The following MAN1B1 variants were observed in gnomAD, a reference collection of about 807,000 sequenced individuals.
The protein encoded by MAN1B1 is mannosidase alpha class 1B member 1.
In MAN1B1, 66 loss-of-function variants were observed where a neutral mutation model predicts 75.5. The ratio of observed to expected loss-of-function variants is 0.87; its 90% confidence interval spans 0.72 to 1.07. The LOEUF is 1.07. Among genes scored for constraint, MAN1B1 ranks in the 50% least tolerant of loss-of-function variants. The probability of loss-of-function intolerance (pLI) is 0.00; values close to 1 mark genes in which losing one functional copy is unlikely to be tolerated. For synonymous variants in MAN1B1, 453 were observed against 382.8 expected (o/e 1.18, Z -2.14); for missense variants, 973 against 912.5 (o/e 1.07, Z -0.85).
chr9:137,096,176 A>C, intron 3 of MAN1B1, 61 bp from the exon 4 acceptor site: 1 of 1,580,612 alleles, frequency 6.3e-7, no homozygotes, highest in South Asian at 1.1e-5. Flanking sequence ...CGTCCCATAG[A>C]GGGAAAGAAG....
intron 3 of MAN1B1, chr9:137,094,374 C>T: frequency 2.0e-6 from 1 of 497,114 alleles, no homozygotes; most frequent in South Asian, 1.5e-5. Flanking sequence ...ATAGTTTGTT[C>T]CGACCTTCCA....
At chr9:137,099,575 T>C in intron 5 of MAN1B1, 121 bp from the exon 6 acceptor site, 1 of 1,115,706 alleles carries the variant, frequency 9.0e-7, no homozygotes, top group Non-Finnish European at 1.4e-6. Flanking sequence ...CTTCCCGTCG[T>C]CCCAAACCCA....
rs770092466 is a variant in MAN1B1, at chr9:137,089,016, C to G, written c.465+11C>G. On this transcript the variant is annotated intron_variant, in intron 3 of 12. Coordinates refer to ENST00000371589, the MANE Select transcript of MAN1B1 (RefSeq NM_016219.5). ...GAGATTTCGTCACAGGTACTTTGAG[C>G]AAATGGTGTGGGGTTATAACTGGGG... 18 of 1,613,888 alleles carry G rather than the reference C, an allele frequency of 1.1e-5. No individual in the cohort carries two copies. In the South Asian group the frequency reaches 1.8e-4, roughly 16 times the overall value.
intron 5 of MAN1B1, 98 bp from the exon 6 acceptor site, chr9:137,099,598 C>A: frequency 7.5e-7 from 1 of 1,336,812 alleles, no homozygotes; most frequent in Non-Finnish European, 1.1e-6. Flanking sequence ...GTCATCTTTG[C>A]CCCATGGGGG....
chr9:137,101,417 A>G lies in MAN1B1; in HGVS notation c.1066-67A>G, dbSNP rs115398890. On this transcript the variant is annotated intron_variant, in intron 7 of 12. Transcript: ENST00000371589. ...GCCTTCAGTGTCTCCACTGAACTGC[A>G]TGAAAGGGTGTAGACGAGGCCTCTG... 3.1e-3 allele frequency: 4,527 copies of G among 1,473,272 alleles called. 43 individuals are homozygous for G. Among genetic ancestry groups the G allele is most frequent in the African/African-American group, 0.024 (1,710 of 72,250 alleles). 91.3% of individuals were successfully genotyped at this position (1,473,272 alleles called of 1,614,324 possible).
chr9:137,089,788 A>G (rs1830471969), intron 3 of MAN1B1, among the ~76,000 whole-genome samples: 1 of 151,368 alleles, frequency 6.6e-6, no homozygotes, highest in South Asian at 2.1e-4. Context: ...GCCTTGGGAG[A>G]AGGAGGGTGA....
In MAN1B1 at chr9:137,109,095, TGGAG is replaced by T; in HGVS notation, c.*507_*510del. On this transcript the variant is annotated 3_prime_UTR_variant, in exon 13 of 13. Coordinates refer to ENST00000371589, the MANE Select transcript of MAN1B1 (RefSeq NM_016219.5). ...CCTCCTGGCCGCCCCGCAGGGGGCT[TGGAG>T]GGCTGGACGGCAAGTCCGTCTAGCT... is the stretch of plus-strand genomic sequence containing the variant. 2.2e-6 allele frequency: 1 copy of T among 455,456 alleles called. No homozygotes were observed. The highest frequency in any genetic ancestry group is 4.4e-6 in the Non-Finnish European group (1 of 227,212). 28.2% of individuals were successfully genotyped at this position (455,456 alleles called of 1,614,324 possible).
At position 137,102,439 on chromosome 9, in the gene MAN1B1, ACT is replaced by A. The variant is rs1472536718; in HGVS notation, c.1254+768_1254+769del. Reference sequence around the variant, plus strand: ...TGCAGGTTGGTGGTGTTACATTCACACTGTTGCAGGCGTGCAGGTCGGTGGTG... The same window carrying A: ...TGCAGGTTGGTGGTGTTACATTCACAGTTGCAGGCGTGCAGGTCGGTGGTG... On this transcript the variant is annotated intron_variant, in intron 8 of 12. Transcript: ENST00000371589. The A allele has an allele frequency of 5.9e-5, 24 of 409,070 alleles. 1 individual carries two copies. The Middle Eastern group carries it at 1.1e-3, about 18-fold the overall frequency. 25.3% of individuals were successfully genotyped at this position (409,070 alleles called of 1,614,324 possible).
chr9:137,106,789 G>T lies in MAN1B1; in HGVS notation c.1546G>T (p.Gly516Cys), dbSNP rs760557104. 6.2e-7 allele frequency: 1 copy of T among 1,613,412 alleles called. No individual in the cohort carries two copies. Among genetic ancestry groups the T allele is most frequent in the South Asian group, 1.1e-5 (1 of 91,080 alleles). ...CACCTTTGTGGGGGAGCTTGCCCACGGCCGCTTCAGTGCCAAGATGGTGAG... is the reference window on the plus strand; with the variant it reads ...CACCTTTGTGGGGGAGCTTGCCCACTGCCGCTTCAGTGCCAAGATGGTGAG... ...KLTFVGELAH[G>C]RFSAKMDHLV... The change falls in exon 10 of 13, where the codon GGC becomes TGC. Residue 516 changes from glycine (G) to cysteine (C), a missense_variant. Transcript: ENST00000371589.
At chr9:137,091,099 G>T (rs1365746907) in intron 3 of MAN1B1, among the ~76,000 whole-genome samples, 5 of 152,336 alleles carry the variant, frequency 3.3e-5, no homozygotes, top group East Asian at 3.9e-4. Flanking sequence ...ACACTCTTCG[G>T]TGTGAGGATT....
rs898343026 is a variant in MAN1B1 at position 137,108,908 on chromosome 9, C to A, written c.*317C>A. 1 of 526,054 alleles carries A rather than the reference C, an allele frequency of 1.9e-6. No homozygotes were observed. The highest frequency in any genetic ancestry group is 4.9e-5 in the East Asian group (1 of 20,256). The allele number at this position is 526,054 out of a possible 1,614,324, so 32.6% of individuals were successfully genotyped here. Reference sequence around the variant, plus strand: ...GACCAGAGGGGGGCTTCGAGGTGGTCCCTGGTACTGGGGTGACCGAGTGGA... The same window carrying A: ...GACCAGAGGGGGGCTTCGAGGTGGTACCTGGTACTGGGGTGACCGAGTGGA... On this transcript the variant is annotated 3_prime_UTR_variant, in exon 13 of 13. Transcript: ENST00000371589.
chr9:137,107,193 G>C (rs1831142684), intron 10 of MAN1B1, 57 bp from the exon 11 acceptor site: 1 of 1,578,046 alleles, frequency 6.3e-7, no homozygotes, highest in Admixed American at 1.7e-5. Context: ...TGCCCGTGCA[G>C]CTGCAGGCTG....
Position 137,101,680 on chromosome 9 carries a change from G to C in MAN1B1, c.1254+8G>C, listed in dbSNP as rs775666191. On this transcript the variant is annotated splice_region_variant and intron_variant, in intron 8 of 12. Coordinates refer to ENST00000371589, the MANE Select transcript of MAN1B1 (RefSeq NM_016219.5). Reference sequence around the variant, plus strand: ...GGGGATAAGAAGTTTCAGGTAAGGGGGCAGGCTTTCTGGCTGGATGCGCCT... The same window carrying C: ...GGGGATAAGAAGTTTCAGGTAAGGGCGCAGGCTTTCTGGCTGGATGCGCCT... 1 of 1,610,982 alleles carries C rather than the reference G, an allele frequency of 6.2e-7. No individual in the cohort carries two copies. Among genetic ancestry groups the C allele is most frequent in the Non-Finnish European group, 8.5e-7 (1 of 1,178,422 alleles).
chr9:137,087,077 G>A lies in MAN1B1; in HGVS notation c.78G>A (p.Gly26=), dbSNP rs767186412. The change falls in exon 1 of 13, where the codon GGG becomes GGA. Residue 26 remains glycine (G), a synonymous_variant. Coordinates refer to ENST00000371589, the MANE Select transcript of MAN1B1 (RefSeq NM_016219.5). ...ACTTCCTGACGCCGCCAGTGGGCGG[G>A]GCCCCTTGGGCCGTCGCCACCACTG... ...QSDFLTPPVG[G]APWAVATTVV... is the part of the protein sequence containing the mutation. 1.9e-6 allele frequency: 3 copies of A among 1,601,140 alleles called. No homozygotes were observed. Among genetic ancestry groups the A allele is most frequent in the Admixed American group, 1.7e-5 (1 of 58,066 alleles).
intron 8 of MAN1B1, 115 bp downstream of exon 8, chr9:137,101,787 G>C (rs780929466): frequency 6.0e-5 from 76 of 1,267,592 alleles, no homozygotes; most frequent in Non-Finnish European, 8.1e-5. Flanking sequence ...GTTTTTTACT[G>C]TGATAAAACA....
At chr9:137,105,833 C>G (rs1395469840) in intron 8 of MAN1B1, 1 of 586,108 alleles carries the variant, frequency 1.7e-6, no homozygotes, top group East Asian at 3.7e-5. Context: ...TTGTCAGATG[C>G]TGTCCCTTCG....
intron 5 of MAN1B1, among the ~76,000 whole-genome samples, chr9:137,098,195 C>T (rs1314530750): frequency 2.0e-5 from 3 of 152,236 alleles, no homozygotes; most frequent in East Asian, 1.9e-4. Context: ...GGCTGCCCCA[C>T]GGGATCCCTG....
At chr9:137,107,151 G>A in intron 10 of MAN1B1, 99 bp from the exon 11 acceptor site, 2 of 1,332,740 alleles carry the variant, frequency 1.5e-6, no homozygotes, top group South Asian at 1.3e-5. Flanking sequence ...CAGGGTACCA[G>A]GGCCGAGGCA....
chr9:137,108,289 G>C, intron 12 of MAN1B1, 99 bp from the exon 13 acceptor site: 1 of 1,091,928 alleles, frequency 9.2e-7, no homozygotes, highest in Non-Finnish European at 1.4e-6. Flanking sequence ...CTTGCGCTGG[G>C]GGCCACATTC....
Sources: allele counts gnomAD v4.1 joint callset (sites outside exome capture counted in the v4.1 genomes callset), GRCh38; gene constraint gnomAD v4.1.1; transcripts MANE v1.5; gene names NCBI Gene and HGNC (gene_info 2026-07-23, HGNC 2026-07-21).